EVA1C: variants seen among roughly 807,000 people sequenced by gnomAD.
EVA1C encodes protein eva-1 homolog C.
EVA1C carries 25 observed loss-of-function variants against 45.4 expected under a neutral mutation model. That is an observed-to-expected ratio of 0.55 (90% CI 0.40 to 0.77). The LOEUF is 0.77. Ranked by LOEUF, EVA1C falls within the 30% of genes least tolerant of loss-of-function variation. EVA1C has a pLI of 0.00. For synonymous variants in EVA1C, 190 were observed against 221.2 expected (o/e 0.86, Z 1.25); for missense variants, 479 against 554.8 (o/e 0.86, Z 1.37).
At chr21:32,417,722 G>A (rs1356068349) in intron 1 of EVA1C, among the ~76,000 whole-genome samples, 2 of 152,172 alleles carry the variant, frequency 1.3e-5, no homozygotes, top group Non-Finnish European at 2.9e-5. Flanking sequence ...GATGGACACA[G>A]TTGTTCATTT....
intron 7 of EVA1C, among the ~76,000 whole-genome samples, chr21:32,511,841 T>C (rs2037965616): frequency 6.6e-6 from 1 of 152,066 alleles, no homozygotes; most frequent in African/African-American, 2.4e-5. Flanking sequence ...ACCAGGGACA[T>C]TGACAAGAAT....
At chr21:32,441,744 A>G (rs747011353) in intron 1 of EVA1C, among the ~76,000 whole-genome samples, 4 of 152,208 alleles carry the variant, frequency 2.6e-5, no homozygotes, top group Non-Finnish European at 4.4e-5. Flanking sequence ...GATGAATCAG[A>G]GGGTTGGTGT....
chr21:32,471,740 T>G (rs959368352), intron 4 of EVA1C, among the ~76,000 whole-genome samples: 1 of 152,076 alleles, frequency 6.6e-6, no homozygotes, highest in Admixed American at 6.6e-5. Context: ...GCCATTCTCC[T>G]GCCTCAGCCT....
At chr21:32,503,589 G>T (rs116039172) in intron 6 of EVA1C, among the ~76,000 whole-genome samples, 2,482 of 127,110 alleles carry the variant, frequency 0.02, 68 homozygotes, top group African/African-American at 0.078. Flanking sequence ...ATATTATTAA[G>T]CCTCTGAGGG....
chr21:32,413,051 G>T, intron 1 of EVA1C, 38 bp downstream of exon 1: 1 of 1,335,974 alleles, frequency 7.5e-7, no homozygotes, highest in Middle Eastern at 2.0e-4. Context: ...CCCCGGCACC[G>T]CGGAGCGCCC....
intron 4 of EVA1C, among the ~76,000 whole-genome samples, chr21:32,471,636 T>C (rs552431723): frequency 7.1e-6 from 1 of 140,502 alleles, no homozygotes; most frequent in African/African-American, 2.7e-5. Context: ...TCCATTTCCT[T>C]TTTTTTTTTT....
intron 4 of EVA1C, among the ~76,000 whole-genome samples, chr21:32,493,972 G>A (rs1314888078): frequency 6.6e-6 from 1 of 151,966 alleles, no homozygotes; most frequent in Non-Finnish European, 1.5e-5. Context: ...GCTAATTTTT[G>A]TATTTTTAGT....
chr21:32,411,809 G>T (rs1417968917), upstream of EVA1C, among the ~76,000 whole-genome samples: 4 of 152,202 alleles, frequency 2.6e-5, no homozygotes, highest in Admixed American at 2.0e-4. Flanking sequence ...CCAGGTACCC[G>T]CACCCGGCAA....
intron 1 of EVA1C, among the ~76,000 whole-genome samples, chr21:32,436,023 C>A (rs2034934391): frequency 6.6e-6 from 1 of 152,216 alleles, no homozygotes; most frequent in Non-Finnish European, 1.5e-5. Context: ...TGAGACGTTG[C>A]AGGAAACTAA....
chr21:32,509,758 A>C (rs911514126), intron 7 of EVA1C, among the ~76,000 whole-genome samples: 4 of 151,270 alleles, frequency 2.6e-5, no homozygotes, highest in Admixed American at 1.3e-4. Flanking sequence ...ATGACAGGGG[A>C]CCTGGCTAGG....
chr21:32,429,134 C>T (rs1416970579), intron 1 of EVA1C, among the ~76,000 whole-genome samples: 2 of 151,404 alleles, frequency 1.3e-5, no homozygotes, highest in Admixed American at 6.6e-5. Context: ...AGTGATTCTC[C>T]TTCACTTAAC....
rs948724409 is a variant in EVA1C at position 32,474,209 on chromosome 21, C to T, written c.634+6361C>T. On this transcript the variant is annotated intron_variant, in intron 4 of 7. Transcript: ENST00000300255. This position sits in a 1 kb window ranked among gnomAD's most constrained non-coding sequence, Gnocchi z 4.4. ...GATTGCAGGCGTGAGCCACTGAGCC[C>T]GACCAGGATTTTATTTAAATTAAAC... 2.0e-5 allele frequency among the ~76,000 whole-genome samples: 3 copies of T among 152,164 alleles called. No individual in the cohort carries two copies. The highest frequency in any genetic ancestry group is 7.2e-5 in the African/African-American group (3 of 41,448).
At chr21:32,502,729 C>G (rs893596915) in intron 6 of EVA1C, among the ~76,000 whole-genome samples, 6 of 152,168 alleles carry the variant, frequency 3.9e-5, no homozygotes, top group Non-Finnish European at 8.8e-5. Flanking sequence ...AGCTGGCCAC[C>G]TTGGCTTTCT....
At chr21:32,427,475 G>T (rs2034533081) in intron 1 of EVA1C, among the ~76,000 whole-genome samples, 1 of 152,170 alleles carries the variant, frequency 6.6e-6, no homozygotes, top group South Asian at 2.1e-4. Context: ...AGCACTTTGG[G>T]AGGCTGAGGC....
Position 32,514,878 on chromosome 21 carries a change from G to A in EVA1C, c.1014G>A (p.Leu338=), listed in dbSNP as rs137905364. The change falls in exon 8 of 8, where the codon CTG becomes CTA. Residue 338 remains leucine, a synonymous_variant. Transcript: ENST00000300255. ...TCTGCATCGGCCTGGCCCTCACACT[G>A]TGCGCCCTGGTCATCAGAGAGTCCT... The part of the protein sequence containing the change: ...SSVCIGLALT[L]CALVIRESCA... 29 of 1,613,126 alleles carry A rather than the reference G, an allele frequency of 1.8e-5. No individual in the cohort carries two copies. In the African/African-American group the frequency reaches 3.6e-4, roughly 20 times the overall value.
chr21:32,495,096 T>C lies in EVA1C; in HGVS notation c.704T>C (p.Ile235Thr), dbSNP rs751737735. 13 of 1,613,866 alleles carry C rather than the reference T, an allele frequency of 8.1e-6. No individual in the cohort carries two copies. The highest frequency in any genetic ancestry group is 1.1e-5 in the Non-Finnish European group (13 of 1,179,774). The change falls in exon 5 of 8, where the codon ATC becomes ACC. Residue 235 changes from isoleucine to threonine, a missense_variant. Physicochemically the swap from Ile to Thr is moderately conservative, Grantham distance 89 (BLOSUM62 -1). Transcript: ENST00000300255. Reference sequence around the variant, plus strand: ...TATGGGAAGCAGAGATGCAAAATCATCGTCAACAATCACCATTTTGGAAGC... The same window carrying C: ...TATGGGAAGCAGAGATGCAAAATCACCGTCAACAATCACCATTTTGGAAGC... ...RCYGKQRCKIIVNNHHFGSPC... is the reference protein window; with the variant it reads ...RCYGKQRCKITVNNHHFGSPC...
rs116738337 is a variant in EVA1C at position 32,422,780 on chromosome 21, G to T, written c.160+9767G>T. Among the ~76,000 whole-genome samples, 830 of 152,184 alleles carry T rather than the reference G, an allele frequency of 5.5e-3. 10 individuals are homozygous for T. The highest frequency in any genetic ancestry group is 0.019 in the African/African-American group (806 of 41,524). On this transcript the variant is annotated intron_variant, in intron 1 of 7. Transcript: ENST00000300255. ...TACCGCTAATGAATCTTTACTAAAA[G>T]AACTATTAAAGGGGTCAGGTGCAGT...
At chr21:32,432,860 A>G (rs1443736875) in intron 1 of EVA1C, among the ~76,000 whole-genome samples, 1 of 151,808 alleles carries the variant, frequency 6.6e-6, no homozygotes, top group Non-Finnish European at 1.5e-5. Context: ...AGCTGGGACT[A>G]CAGGTGTGCA....
chr21:32,507,266 T>C (rs766445946), intron 7 of EVA1C, among the ~76,000 whole-genome samples: 1 of 152,212 alleles, frequency 6.6e-6, no homozygotes, highest in Non-Finnish European at 1.5e-5. Context: ...ACAGACTTAC[T>C]CCCCGAATTC....
Sources: allele counts gnomAD v4.1 joint callset (sites outside exome capture counted in the v4.1 genomes callset), GRCh38; gene constraint gnomAD v4.1.1; non-coding constraint Gnocchi (gnomAD v3.1); transcripts MANE v1.5; gene names NCBI Gene and HGNC (gene_info 2026-07-23, HGNC 2026-07-21).